The following CCDC138 variants were observed in gnomAD, a reference collection of about 807,000 sequenced individuals.
CCDC138 encodes the protein coiled-coil domain-containing protein 138.
A neutral mutation model predicts 82.3 loss-of-function variants in CCDC138; 66 were observed. The ratio of observed to expected loss-of-function variants is 0.80; its 90% CI spans 0.66 to 0.98. The LOEUF (loss-of-function observed/expected upper bound fraction) is 0.98, where lower values mean the gene tolerates loss of function less well. Among genes scored for constraint, CCDC138 ranks in the 50% least tolerant of loss-of-function variants. The pLI, the probability that CCDC138 is intolerant of heterozygous loss-of-function variation, is 0.00. For missense variants in CCDC138, 816 were observed against 758.9 expected, an observed-to-expected ratio of 1.08 and a Z score of -0.88; for synonymous variants, 297 against 265.4, an observed-to-expected ratio of 1.12 and a Z score of -1.16.
chr2:108,830,215 T>TTA (rs1319293215), intron 10 of CCDC138, among the ~76,000 whole-genome samples: 1 of 152,080 alleles, frequency 6.6e-6, no homozygotes, highest in Non-Finnish European at 1.5e-5. Context: ...ATAGTCAAAT[T>TTA]TATAGAGACA....
intron 7 of CCDC138, 97 bp downstream of exon 7, chr2:108,805,105 A>G (rs1682643226): frequency 6.9e-6 from 4 of 580,204 alleles, no homozygotes; most frequent in Non-Finnish European, 1.1e-5. Context: ...CGTTTCAGCT[A>G]GAGAAAATTT....
At chr2:108,865,419 CTCTT>C (rs1694268602) in intron 13 of CCDC138, among the ~76,000 whole-genome samples, 1 of 152,160 alleles carries the variant, frequency 6.6e-6, no homozygotes, top group Non-Finnish European at 1.5e-5. Flanking sequence ...AGAGATTCAT[CTCTT>C]TGTCTTTTGG....
chr2:108,854,231 G>T (rs79728566), intron 12 of CCDC138, among the ~76,000 whole-genome samples: 1 of 150,204 alleles, frequency 6.7e-6, no homozygotes, highest in African/African-American at 2.4e-5. Flanking sequence ...TTATACTTTA[G>T]GTCTAGAGAA....
chr2:108,854,092 T>TTA, intron 12 of CCDC138, among the ~76,000 whole-genome samples: 1 of 133,644 alleles, frequency 7.5e-6, no homozygotes, highest in African/African-American at 2.8e-5. Context: ...TAAATTTATA[T>TTA]TATATATATA....
At chr2:108,819,395 C>A (rs1344451629) in intron 10 of CCDC138, among the ~76,000 whole-genome samples, 2 of 152,126 alleles carry the variant, frequency 1.3e-5, no homozygotes, top group African/African-American at 4.8e-5. Context: ...CCAAAGTCTG[C>A]CCACAGGACT....
At chr2:108,827,129 T>C (rs1051594627) in intron 10 of CCDC138, among the ~76,000 whole-genome samples, 12 of 152,176 alleles carry the variant, frequency 7.9e-5, no homozygotes, top group Non-Finnish European at 1.8e-4. Context: ...AACATTATTC[T>C]AAAGCAAAAT....
rs180970082 is a variant in CCDC138, at chr2:108,840,040, A to G, written c.1323+739A>G. ...TTCAATCAAGTTCCCCTGTATTCCT[A>G]TTTTTCTGAGTTTTTTAAAAATCAT... On this transcript the variant is annotated intron_variant, in intron 11 of 14. Coordinates refer to ENST00000295124, the MANE Select transcript of CCDC138 (RefSeq NM_144978.3). Among the ~76,000 whole-genome samples, 680 of 151,456 alleles carry G rather than the reference A, an allele frequency of 4.5e-3. 1 individual carries two copies. The highest frequency in any genetic ancestry group is 7.0e-3 in the Non-Finnish European group (475 of 67,778).
intron 10 of CCDC138, 112 bp from the exon 11 acceptor site, chr2:108,839,073 C>A: frequency 8.7e-7 from 1 of 1,148,820 alleles, no homozygotes; most frequent in Non-Finnish European, 1.2e-6. Context: ...TGTTGGAGAA[C>A]TCTTTTGTTT....
At chr2:108,825,681 T>C (rs1686461626) in intron 10 of CCDC138, among the ~76,000 whole-genome samples, 1 of 152,200 alleles carries the variant, frequency 6.6e-6, no homozygotes, top group African/African-American at 2.4e-5. Context: ...AGATATAACA[T>C]TTTATTTACC....
At position 108,843,271 on chromosome 2, in the gene CCDC138, C is replaced by T. The variant is rs532235916; in HGVS notation, c.1324-3467C>T. Among the ~76,000 whole-genome samples, 12 of 152,302 alleles carry T rather than the reference C, an allele frequency of 7.9e-5. No homozygotes were observed. The East Asian group carries it at 2.3e-3, about 29-fold the overall frequency. ...CTGCTGGGTTCAAACCATGCTCCTG[C>T]CTCACCCTCCCAAGTAGCTGGGATT... On this transcript the variant is annotated intron_variant, in intron 11 of 14. Transcript: ENST00000295124.
intron 7 of CCDC138, among the ~76,000 whole-genome samples, chr2:108,809,340 A>G (rs760621051): frequency 6.6e-6 from 1 of 151,866 alleles, no homozygotes; most frequent in Non-Finnish European, 1.5e-5. Context: ...ATTTTTTTCT[A>G]TTTCTGTGAA....
chr2:108,787,710 T>C (rs957671868), intron 1 of CCDC138, among the ~76,000 whole-genome samples: 1 of 152,142 alleles, frequency 6.6e-6, no homozygotes, highest in Non-Finnish European at 1.5e-5. Context: ...TCTGTAAGGT[T>C]GTTTTTTTTT....
chr2:108,797,567 C>G (rs984623756), intron 5 of CCDC138, among the ~76,000 whole-genome samples: 1 of 151,882 alleles, frequency 6.6e-6, no homozygotes, highest in African/African-American at 2.4e-5. Context: ...GATTTTAGTT[C>G]AGATGGGGTG....
At chr2:108,792,408 T>C (rs936783791) in intron 4 of CCDC138, among the ~76,000 whole-genome samples, 6 of 152,242 alleles carry the variant, frequency 3.9e-5, no homozygotes, top group Non-Finnish European at 8.8e-5. Context: ...ATGGTCGATT[T>C]TCCCAGTGGA....
Position 108,849,152 on chromosome 2 carries a change from A to G in CCDC138, c.1516+2222A>G, listed in dbSNP as rs115234922. Reference sequence around the variant, plus strand: ...GACTAGTGAACTGGGATACATAGCAATAGAAACTGTCCAAAATGAATTACA... The same window carrying G: ...GACTAGTGAACTGGGATACATAGCAGTAGAAACTGTCCAAAATGAATTACA... On this transcript the variant is annotated intron_variant, in intron 12 of 14. Coordinates refer to ENST00000295124, the MANE Select transcript of CCDC138 (RefSeq NM_144978.3). Among the ~76,000 whole-genome samples the G allele has an allele frequency of 5.1e-3, 777 of 152,304 alleles. 9 individuals carry two copies. Among genetic ancestry groups the G allele is most frequent in the Middle Eastern group, 0.02 (6 of 294 alleles).
At chr2:108,851,000 C>T (rs745497775) in intron 12 of CCDC138, among the ~76,000 whole-genome samples, 1 of 152,192 alleles carries the variant, frequency 6.6e-6, no homozygotes, top group Admixed American at 6.5e-5. Context: ...TCGTGCCACA[C>T]CAGTTGCAAG....
rs75108204 is a variant in CCDC138 at position 108,815,516 on chromosome 2, G to T, written c.1042-425G>T. 3.9e-5 allele frequency among the ~76,000 whole-genome samples: 5 copies of T among 128,892 alleles called. No homozygotes were observed. The East Asian group carries it at 1.3e-3, about 33-fold the overall frequency. The allele number at this position is 128,892 out of a possible 152,430, so 84.6% of individuals were successfully genotyped here. A position where few individuals can be genotyped will look rare whatever the true frequency, so the allele number is the denominator to read the frequency against. On this transcript the variant is annotated intron_variant, in intron 9 of 14. Transcript: ENST00000295124. Reference sequence around the variant, plus strand: ...GAGTCTTGCTCTTTTGCCCAGATTGGTGTGCAGTGGTGCGATCTCGGCTCA... The same window carrying T: ...GAGTCTTGCTCTTTTGCCCAGATTGTTGTGCAGTGGTGCGATCTCGGCTCA...
intron 10 of CCDC138, among the ~76,000 whole-genome samples, chr2:108,818,428 G>A (rs1473248750): frequency 6.6e-6 from 1 of 152,136 alleles, no homozygotes; most frequent in Admixed American, 6.5e-5. Context: ...TAAATAAAAA[G>A]TTGTCTGTTG....
At chr2:108,799,445 T>A (rs1681526033) in intron 6 of CCDC138, among the ~76,000 whole-genome samples, 2 of 152,218 alleles carry the variant, frequency 1.3e-5, no homozygotes, top group East Asian at 3.8e-4. Flanking sequence ...TTACGCTCTC[T>A]TGTAGCTATC....
Sources: allele counts gnomAD v4.1 joint callset (sites outside exome capture counted in the v4.1 genomes callset), GRCh38; gene constraint gnomAD v4.1.1; transcripts MANE v1.5; gene names NCBI Gene and HGNC (gene_info 2026-07-23, HGNC 2026-07-21).